The following DNER variants were observed in gnomAD, a reference collection of about 807,000 sequenced individuals.
DNER encodes delta/notch like EGF repeat containing.
In DNER, 33 loss-of-function variants were observed where a neutral mutation model predicts 78.2. That is an observed-to-expected ratio of 0.42 (90% CI 0.32 to 0.56). DNER has a LOEUF of 0.56. DNER is among the 20% of genes least tolerant of loss of function. The pLI is 0.11. For missense variants in DNER, 918 were observed against 975.3 expected (o/e 0.94, Z 0.78); for synonymous variants, 417 against 384.8 (o/e 1.08, Z -0.98).
intron 10 of DNER, among the ~76,000 whole-genome samples, chr2:229,391,395 T>A (rs1693013846): frequency 6.6e-6 from 1 of 152,200 alleles, no homozygotes; most frequent in Non-Finnish European, 1.5e-5. Flanking sequence ...GCTCACTTAC[T>A]CTTTTTAAAT....
chr2:229,499,233 G>A (rs567704662), intron 6 of DNER, among the ~76,000 whole-genome samples: 32 of 152,140 alleles, frequency 2.1e-4, no homozygotes, highest in Admixed American at 1.8e-3. Context: ...ATCACCTGAG[G>A]TCAGGAGTTT....
intron 5 of DNER, among the ~76,000 whole-genome samples, chr2:229,522,598 G>A (rs1696123899): frequency 6.6e-6 from 1 of 152,028 alleles, no homozygotes; most frequent in Non-Finnish European, 1.5e-5. Context: ...GTTATTTCCT[G>A]TGTTATGCCA....
At chr2:229,689,750 G>C (rs1460866677) in intron 1 of DNER, among the ~76,000 whole-genome samples, 1 of 152,176 alleles carries the variant, frequency 6.6e-6, no homozygotes, top group East Asian at 1.9e-4. Flanking sequence ...GATAATCATA[G>C]TCTTCAAAGC....
At chr2:229,674,653 A>C (rs1699272205) in intron 1 of DNER, among the ~76,000 whole-genome samples, 1 of 152,132 alleles carries the variant, frequency 6.6e-6, no homozygotes, top group African/African-American at 2.4e-5. Flanking sequence ...ACTGTTCCCT[A>C]GGGTCATCTC....
chr2:229,475,212 A>G (rs764315678), intron 7 of DNER, among the ~76,000 whole-genome samples: 1 of 152,144 alleles, frequency 6.6e-6, no homozygotes. Context: ...GTATAAAATC[A>G]CATGCCCATG....
chr2:229,597,482 C>T (rs961286405), intron 1 of DNER, among the ~76,000 whole-genome samples: 7 of 152,122 alleles, frequency 4.6e-5, no homozygotes, highest in African/African-American at 7.2e-5. Context: ...TCTGCTCTTG[C>T]GTCCCATTAA....
intron 11 of DNER, among the ~76,000 whole-genome samples, chr2:229,375,009 G>A (rs997634930): frequency 3.3e-5 from 5 of 152,200 alleles, no homozygotes; most frequent in African/African-American, 9.7e-5. Flanking sequence ...GCAATGGAAT[G>A]TTCCTCCTCA....
intron 12 of DNER, among the ~76,000 whole-genome samples, chr2:229,365,651 G>C (rs768361627): frequency 6.8e-4 from 104 of 152,206 alleles, no homozygotes; most frequent in Non-Finnish European, 6.6e-4. Flanking sequence ...GGCCAGGCTG[G>C]TGTAGAACTC....
At chr2:229,589,370 A>G (rs372203611) in intron 2 of DNER, among the ~76,000 whole-genome samples, 1 of 152,214 alleles carries the variant, frequency 6.6e-6, no homozygotes, top group Non-Finnish European at 1.5e-5. Flanking sequence ...GATTAAGCCC[A>G]CCACTGATAT....
chr2:229,698,898 G>A (rs1283330201), intron 1 of DNER, among the ~76,000 whole-genome samples: 1 of 152,192 alleles, frequency 6.6e-6, no homozygotes, highest in African/African-American at 2.4e-5. Context: ...AAAACCAATG[G>A]CCAATTTTAA....
At chr2:229,385,372 ATGG>A (rs1559337280) in intron 11 of DNER, among the ~76,000 whole-genome samples, 1 of 152,206 alleles carries the variant, frequency 6.6e-6, no homozygotes, top group Non-Finnish European at 1.5e-5. Flanking sequence ...ATCATACTGA[ATGG>A]GCAAAAGCTA....
intron 6 of DNER, among the ~76,000 whole-genome samples, chr2:229,483,108 T>C (rs1695199920): frequency 6.6e-6 from 1 of 152,120 alleles, no homozygotes; most frequent in Non-Finnish European, 1.5e-5. Context: ...ATGGCAATAA[T>C]AGGGAGAGGT....
chr2:229,671,266 T>C lies in DNER; in HGVS notation c.276+42882A>G, dbSNP rs1699202122. 1.3e-5 allele frequency among the ~76,000 whole-genome samples: 2 copies of C among 152,150 alleles called. 1 individual carries two copies. Among genetic ancestry groups the C allele is most frequent in the South Asian group, 4.1e-4 (2 of 4,826 alleles). On this transcript the variant is annotated intron_variant, in intron 1 of 12. Coordinates refer to ENST00000341772, the MANE Select transcript of DNER (RefSeq NM_139072.4). ...CTCCAATTCAAACCTGTCCAAAGTC[T>C]ACTAGGCGCCAGCCATACTCGGCTT...
intron 7 of DNER, among the ~76,000 whole-genome samples, chr2:229,475,547 G>A (rs1157805784): frequency 6.6e-6 from 1 of 152,196 alleles, no homozygotes; most frequent in Non-Finnish European, 1.5e-5. Context: ...TGCACTACTG[G>A]AGGGGCCATC....
chr2:229,535,565 G>A (rs1440824916), intron 5 of DNER, among the ~76,000 whole-genome samples: 1 of 152,126 alleles, frequency 6.6e-6, no homozygotes, highest in Admixed American at 6.5e-5. Flanking sequence ...TCTAATAGCA[G>A]CAACCTTGGA....
At chr2:229,382,476 A>G (rs2106333096) in intron 11 of DNER, among the ~76,000 whole-genome samples, 1 of 152,270 alleles carries the variant, frequency 6.6e-6, no homozygotes, top group Admixed American at 6.5e-5. Context: ...CTCTGAGCTA[A>G]AGAAGCATGT....
chr2:229,424,958 A>C (rs1335756050), intron 8 of DNER, among the ~76,000 whole-genome samples: 1 of 152,232 alleles, frequency 6.6e-6, no homozygotes, highest in Non-Finnish European at 1.5e-5. Flanking sequence ...CCTGGAAGAC[A>C]AAAATCCCTT....
intron 5 of DNER, among the ~76,000 whole-genome samples, chr2:229,520,907 A>G (rs1696082164): frequency 6.6e-6 from 1 of 152,224 alleles, no homozygotes; most frequent in Non-Finnish European, 1.5e-5. Flanking sequence ...ATAATAGAGC[A>G]TATTTCCCTC....
intron 4 of DNER, among the ~76,000 whole-genome samples, chr2:229,547,562 G>A (rs1372614021): frequency 2.0e-5 from 3 of 152,032 alleles, no homozygotes; most frequent in African/African-American, 7.2e-5. Context: ...ATCCTCAAAG[G>A]CCCCACCCAG....
Sources: allele counts gnomAD v4.1 joint callset (sites outside exome capture counted in the v4.1 genomes callset), GRCh38; gene constraint gnomAD v4.1.1; transcripts MANE v1.5; gene names NCBI Gene and HGNC (gene_info 2026-07-23, HGNC 2026-07-21).